PDLIM1: variants seen among roughly 807,000 people sequenced by gnomAD.
The protein encoded by PDLIM1 is PDZ and LIM domain 1.
Under a neutral mutation model 35.2 loss-of-function variants are expected in PDLIM1, and 25 were observed. The ratio of observed to expected loss-of-function variants is 0.71; its 90% CI spans 0.52 to 0.99. The LOEUF (loss-of-function observed/expected upper bound fraction) is 0.99. PDLIM1 is among the 50% of genes least tolerant of loss of function. PDLIM1 has a pLI of 0.00. For missense variants in PDLIM1, 363 were observed against 415.3 expected (o/e 0.87, Z 1.09); for synonymous variants, 152 against 154.0 (o/e 0.99, Z 0.10).
rs770821975 is a variant in PDLIM1 at position 95,238,097 on chromosome 10, T to C, written c.818A>G (p.Lys273Arg). 1 of 1,613,872 alleles carries C rather than the reference T, an allele frequency of 6.2e-7. No individual in the cohort carries two copies. The highest frequency in any genetic ancestry group is 1.1e-5 in the South Asian group (1 of 91,008). Residue 273 changes from lysine (K) to arginine (R), a missense_variant, in exon 7 of 7, where the codon AAG becomes AGG. Physicochemically the swap from Lys to Arg is conservative, Grantham distance 26 (BLOSUM62 2). Transcript: ENST00000329399. ...CGTGIVGVFV[K>R]LRDRHRHPEC... ...AGGGTGGCGGTGACGGTCCCGCAGCTTCACAAACACACCACTACAGAAGCA... is the reference window on the plus strand; with the variant it reads ...AGGGTGGCGGTGACGGTCCCGCAGCCTCACAAACACACCACTACAGAAGCA...
At chr10:95,257,037 A>AGAAAGAAAGAAAGAAAGAAAGAAT (rs1192380541) in intron 4 of PDLIM1, among the ~76,000 whole-genome samples, 11 of 139,462 alleles carry the variant, frequency 7.9e-5, no homozygotes, top group East Asian at 2.0e-4. Flanking sequence ...AAAGAAAGAA[A>AGAAAGAAAGAAAGAAAGAAAGAAT]GAATTCAAAA....
At chr10:95,255,781 A>T (rs907399414) in intron 4 of PDLIM1, among the ~76,000 whole-genome samples, 2 of 152,078 alleles carry the variant, frequency 1.3e-5, no homozygotes, top group African/African-American at 4.8e-5. Context: ...TCCTAATCAG[A>T]GACCTTAGGC....
At chr10:95,280,417 T>A (rs1215133227) in intron 1 of PDLIM1, among the ~76,000 whole-genome samples, 1 of 152,198 alleles carries the variant, frequency 6.6e-6, no homozygotes, top group African/African-American at 2.4e-5. Context: ...TGTTGCCTCC[T>A]AGCCCCTTGA....
intron 5 of PDLIM1, among the ~76,000 whole-genome samples, chr10:95,243,638 G>C (rs573423228): frequency 6.6e-6 from 1 of 152,194 alleles, no homozygotes; most frequent in East Asian, 1.9e-4. Flanking sequence ...TCATCTCAGA[G>C]CCTCTGGCCA....
At chr10:95,249,584 A>T (rs556454144) in intron 4 of PDLIM1, among the ~76,000 whole-genome samples, 106 of 152,310 alleles carry the variant, frequency 7.0e-4, no homozygotes, top group Non-Finnish European at 1.4e-3. Flanking sequence ...CAAATGAATT[A>T]TATCAGTTAC....
intron 5 of PDLIM1, among the ~76,000 whole-genome samples, chr10:95,239,289 G>A (rs11188245): frequency 0.35 from 52,544 of 152,034 alleles, 9,593 homozygotes; most frequent in Middle Eastern, 0.51. Flanking sequence ...ATGGGCATGG[G>A]CAAAGATTTC....
At chr10:95,275,511 GTGT>G (rs1393635355) in intron 1 of PDLIM1, among the ~76,000 whole-genome samples, 1 of 152,178 alleles carries the variant, frequency 6.6e-6, no homozygotes, top group Non-Finnish European at 1.5e-5. Context: ...AAAACACCTA[GTGT>G]TGTTAAATAT....
intron 4 of PDLIM1, among the ~76,000 whole-genome samples, chr10:95,249,357 G>T (rs1393290066): frequency 1.3e-5 from 2 of 152,218 alleles, no homozygotes; most frequent in African/African-American, 4.8e-5. Context: ...TGTGCCCAGT[G>T]GAACCAAAGA....
chr10:95,282,105 G>A (rs2035566046), intron 1 of PDLIM1, among the ~76,000 whole-genome samples: 1 of 152,220 alleles, frequency 6.6e-6, no homozygotes, highest in Non-Finnish European at 1.5e-5. Context: ...AAAGAAATGT[G>A]AGATTCAAGT....
At chr10:95,238,483 A>G in intron 6 of PDLIM1, 85 bp downstream of exon 6, 1 of 888,082 alleles carries the variant, frequency 1.1e-6, no homozygotes, top group East Asian at 2.4e-5. Flanking sequence ...TCACAAGCAA[A>G]ATGTGCAACA....
intron 2 of PDLIM1, among the ~76,000 whole-genome samples, chr10:95,270,126 A>C (rs1330658760): frequency 1.3e-5 from 2 of 152,142 alleles, no homozygotes; most frequent in African/African-American, 4.8e-5. Flanking sequence ...AAAATCAATT[A>C]ATCAATGAAT....
At chr10:95,239,870 C>T (rs1442972445) in intron 5 of PDLIM1, among the ~76,000 whole-genome samples, 4 of 151,938 alleles carry the variant, frequency 2.6e-5, no homozygotes, top group South Asian at 2.1e-4. Flanking sequence ...GACATACATG[C>T]GGCCAACAAA....
intron 4 of PDLIM1, among the ~76,000 whole-genome samples, chr10:95,262,559 C>T (rs1046358013): frequency 6.6e-6 from 1 of 152,188 alleles, no homozygotes; most frequent in Non-Finnish European, 1.5e-5. Context: ...AGCAGCGTCC[C>T]CTCCGGACCA....
chr10:95,246,503 A>G (rs2035222757), intron 5 of PDLIM1, among the ~76,000 whole-genome samples: 1 of 152,148 alleles, frequency 6.6e-6, no homozygotes, highest in Admixed American at 6.5e-5. Context: ...AGGACAAGAA[A>G]GCCTCTTCAT....
At chr10:95,263,059 C>A (rs2035378231) in intron 4 of PDLIM1, among the ~76,000 whole-genome samples, 1 of 151,504 alleles carries the variant, frequency 6.6e-6, no homozygotes, top group African/African-American at 2.4e-5. Flanking sequence ...GTGGGAGGAT[C>A]ACTTGAACCC....
At chr10:95,289,523 C>A (rs958423871) in intron 1 of PDLIM1, among the ~76,000 whole-genome samples, 2 of 152,134 alleles carry the variant, frequency 1.3e-5, no homozygotes, top group Admixed American at 6.5e-5. Context: ...CTCACTGGGC[C>A]AGGCCAACCG....
intron 4 of PDLIM1, among the ~76,000 whole-genome samples, chr10:95,254,711 G>A (rs1054512002): frequency 6.6e-6 from 1 of 152,088 alleles, no homozygotes; most frequent in African/African-American, 2.4e-5. Flanking sequence ...GAGCTCAGAA[G>A]TTCGAGACCA....
intron 1 of PDLIM1, among the ~76,000 whole-genome samples, chr10:95,283,120 AC>A (rs1443808116): frequency 6.6e-6 from 1 of 152,214 alleles, no homozygotes; most frequent in Non-Finnish European, 1.5e-5. Flanking sequence ...TAATGCATCA[AC>A]CTCATCAGGT....
At chr10:95,265,593 CAAAAAAAAAAAAAAAAA>C (rs56893525) in intron 3 of PDLIM1, among the ~76,000 whole-genome samples, 1 of 83,982 alleles carries the variant, frequency 1.2e-5, no homozygotes, top group Non-Finnish European at 2.1e-5. Flanking sequence ...GGAACTCTGT[CAAAAAAAAAAAAAAAAA>C]AAAAAAAAAA....
Sources: gnomAD v4.1 joint callset for allele counts (sites outside exome capture counted in the v4.1 genomes callset) on GRCh38, gnomAD v4.1.1 for gene constraint, MANE v1.5 for transcripts, NCBI Gene and HGNC (gene_info 2026-07-23, HGNC 2026-07-21) for gene names.